Variants in COX10 observed in about 807,000 individuals in gnomAD.
The protein encoded by COX10 is protoheme IX farnesyltransferase, mitochondrial.
Under a neutral mutation model 37.3 loss-of-function variants are expected in COX10, and 27 were observed. The ratio of observed to expected loss-of-function variants is 0.72; its 90% CI spans 0.53 to 1.00. The LOEUF (loss-of-function observed/expected upper bound fraction) is 1.00, where lower values mean the gene tolerates loss of function less well. Among genes scored for constraint, COX10 ranks in the 50% least tolerant of loss-of-function variants. The pLI, the probability that COX10 is intolerant of heterozygous loss-of-function variation, is 0.00. For missense variants in COX10, 475 were observed against 563.2 expected (o/e 0.84, Z 1.59); for synonymous variants, 222 against 229.1 (o/e 0.97, Z 0.28).
intron 3 of COX10, 143 bp downstream of exon 3, chr17:14,077,199 G>T: frequency 1.4e-6 from 1 of 723,314 alleles, no homozygotes; most frequent in East Asian, 2.7e-5. Context: ...ATTTAACTGG[G>T]ATTTGAAATT....
intron 6 of COX10, among the ~76,000 whole-genome samples, chr17:14,197,088 C>T (rs543277262): frequency 6.6e-6 from 1 of 152,242 alleles, no homozygotes; most frequent in Admixed American, 6.5e-5. Context: ...GAGAGGAAGC[C>T]GCTGAGCCAA....
At chr17:14,201,909 T>G (rs1597549602) in intron 6 of COX10, among the ~76,000 whole-genome samples, 1 of 152,138 alleles carries the variant, frequency 6.6e-6, no homozygotes, top group African/African-American at 2.4e-5. Context: ...CACTTTAAAA[T>G]CCAGAGGTCA....
At chr17:14,138,383 A>G (rs1904442336) in intron 4 of COX10, among the ~76,000 whole-genome samples, 1 of 152,222 alleles carries the variant, frequency 6.6e-6, no homozygotes, top group Non-Finnish European at 1.5e-5. Flanking sequence ...CTGGTACATT[A>G]TAAGCAATTC....
intron 3 of COX10, 41 bp from the exon 4 acceptor site, chr17:14,102,077 C>T (rs757912117): frequency 1.9e-6 from 3 of 1,613,174 alleles, no homozygotes; most frequent in East Asian, 4.5e-5. Flanking sequence ...AGTTGGGACT[C>T]CTGTTGGTAA....
At chr17:14,170,807 A>T (rs903471435) in intron 5 of COX10, among the ~76,000 whole-genome samples, 1 of 152,282 alleles carries the variant, frequency 6.6e-6, no homozygotes, top group East Asian at 1.9e-4. Context: ...ACAGAGTGAA[A>T]TCCTGTCTCA....
chr17:14,071,730 CAAAAAAAA>C (rs57780115), intron 1 of COX10, among the ~76,000 whole-genome samples: 1 of 113,262 alleles, frequency 8.8e-6, no homozygotes, highest in African/African-American at 3.5e-5. Flanking sequence ...CTAAAAATAC[CAAAAAAAA>C]AAAAAAAAAA....
At chr17:14,125,212 T>C (rs745446400) in intron 4 of COX10, among the ~76,000 whole-genome samples, 1 of 152,184 alleles carries the variant, frequency 6.6e-6, no homozygotes, top group Non-Finnish European at 1.5e-5. Flanking sequence ...GTTTTCAATA[T>C]GCACTGAAAA....
intron 6 of COX10, among the ~76,000 whole-genome samples, chr17:14,204,161 C>A (rs938505440): frequency 3.0e-4 from 45 of 152,080 alleles, no homozygotes; most frequent in African/African-American, 9.9e-4. Context: ...AGTGAACATA[C>A]CCTAAGAAGT....
chr17:14,086,423 G>A (rs1915411326), intron 3 of COX10, among the ~76,000 whole-genome samples: 1 of 152,052 alleles, frequency 6.6e-6, no homozygotes, highest in African/African-American at 2.4e-5. Flanking sequence ...AGTTTGTGAA[G>A]CTCTGTGCCT....
intron 4 of COX10, among the ~76,000 whole-genome samples, chr17:14,157,625 G>T (rs2142237978): frequency 6.6e-6 from 1 of 152,266 alleles, no homozygotes; most frequent in East Asian, 1.9e-4. Flanking sequence ...GCTTCCAACA[G>T]AAACCAATTC....
At chr17:14,178,734 T>C (rs2142254273) in intron 5 of COX10, among the ~76,000 whole-genome samples, 1 of 152,298 alleles carries the variant, frequency 6.6e-6, no homozygotes, top group Middle Eastern at 3.4e-3. Flanking sequence ...TTCACTTAAA[T>C]GGACTCATAT....
chr17:14,096,998 G>GTCATGCT (rs1159563361), intron 3 of COX10, among the ~76,000 whole-genome samples: 4 of 152,090 alleles, frequency 2.6e-5, no homozygotes, highest in African/African-American at 7.2e-5. Flanking sequence ...TATTAGATGG[G>GTCATGCT]TCATGCTTCA....
intron 5 of COX10, among the ~76,000 whole-genome samples, chr17:14,160,482 G>A (rs569884776): frequency 2.6e-5 from 4 of 151,918 alleles, no homozygotes; most frequent in African/African-American, 7.3e-5. Flanking sequence ...CCTCTAAACC[G>A]GCATTTAAAA....
intron 4 of COX10, among the ~76,000 whole-genome samples, chr17:14,138,066 G>A (rs1000526662): frequency 8.0e-5 from 12 of 149,562 alleles, no homozygotes; most frequent in South Asian, 2.1e-4. Flanking sequence ...TAATGTGGTC[G>A]TCATTAAAGG....
rs527422821 is a variant in COX10 at position 14,116,948 on chromosome 17, C to T, written c.624+14706C>T. On this transcript the variant is annotated intron_variant, in intron 4 of 6. Coordinates refer to ENST00000261643, the MANE Select transcript of COX10 (RefSeq NM_001303.4). ...CTGTGTGAACATTGTGCCACCCACC[C>T]CTAACTCCTGTTTCTTCACACACTG... Among the ~76,000 whole-genome samples the T allele has an allele frequency of 2.0e-5, 3 of 152,286 alleles. No homozygotes were observed. In the South Asian group the frequency reaches 6.2e-4, roughly 32 times the overall value.
At chr17:14,081,809 A>G (rs2075484063) in intron 3 of COX10, among the ~76,000 whole-genome samples, 1 of 152,324 alleles carries the variant, frequency 6.6e-6, no homozygotes, top group African/African-American at 2.4e-5. Context: ...CCCCACTGGC[A>G]TTTGGATTTG....
chr17:14,094,858 C>T (rs998495784), intron 3 of COX10, among the ~76,000 whole-genome samples: 9 of 152,220 alleles, frequency 5.9e-5, no homozygotes, highest in African/African-American at 1.9e-4. Context: ...TTGATATAGT[C>T]AGAAACTGTT....
At chr17:14,203,279 T>C (rs1413020783) in intron 6 of COX10, among the ~76,000 whole-genome samples, 1 of 151,950 alleles carries the variant, frequency 6.6e-6, no homozygotes, top group African/African-American at 2.4e-5. Context: ...AAAAATGAAT[T>C]TGGGGGATTT....
At chr17:14,141,611 A>C (rs879788739) in intron 4 of COX10, among the ~76,000 whole-genome samples, 7 of 152,032 alleles carry the variant, frequency 4.6e-5, no homozygotes, top group Admixed American at 1.3e-4. Context: ...TTGTGGAATA[A>C]AAGTCACTGT....
Sources: allele counts gnomAD v4.1 joint callset (sites outside exome capture counted in the v4.1 genomes callset), GRCh38; gene constraint gnomAD v4.1.1; transcripts MANE v1.5; gene names NCBI Gene and HGNC (gene_info 2026-07-23, HGNC 2026-07-21).